TMX1: variants seen among roughly 807,000 people sequenced by gnomAD.
TMX1 encodes thioredoxin-related transmembrane protein 1.
In TMX1, 25 loss-of-function variants were observed where a neutral mutation model predicts 36.6. The ratio of observed to expected loss-of-function variants is 0.68; its 90% confidence interval spans 0.50 to 0.95. The LOEUF is 0.95. Ranked by LOEUF, TMX1 falls within the 40% of genes least tolerant of loss-of-function variation. The pLI is 0.00. For synonymous variants in TMX1, 133 were observed against 118.0 expected (o/e 1.13, Z -0.82); for missense variants, 347 against 339.6 (o/e 1.02, Z -0.17).
intron 4 of TMX1, 120 bp from the exon 5 acceptor site, chr14:51,249,206 C>T: frequency 1.3e-6 from 1 of 752,240 alleles, no homozygotes; most frequent in Non-Finnish European, 2.1e-6. Context: ...TGATGTGTCA[C>T]TAGTCTTGAT....
rs2065842886 is a variant in TMX1 at position 51,257,261 on chromosome 14, T to G, written c.*2742T>G. On this transcript the variant is annotated 3_prime_UTR_variant, in exon 8 of 8. Coordinates refer to ENST00000457354, the MANE Select transcript of TMX1 (RefSeq NM_030755.5). The stretch of plus-strand genomic sequence containing the variant: ...TAAGTTATTGCAGTAAATGATGCTT[T>G]AGAAAGCAATTTTCTCTCATCAGTT... 6.6e-6 allele frequency: 1 copy of G among 152,222 alleles called. No individual in the cohort carries two copies. Among genetic ancestry groups the G allele is most frequent in the South Asian group, 2.1e-4 (1 of 4,830 alleles). 9.4% of individuals were successfully genotyped at this position (152,222 alleles called of 1,614,324 possible).
intron 1 of TMX1, among the ~76,000 whole-genome samples, chr14:51,242,795 T>C (rs142473069): frequency 8.5e-5 from 13 of 152,102 alleles, no homozygotes; most frequent in African/African-American, 2.9e-4. Flanking sequence ...AAAAAGCAAC[T>C]GAGCAACAAA....
Position 51,247,149 on chromosome 14 carries a change from A to C in TMX1, c.372A>C (p.Ile124=). The change falls in exon 4 of 8, where the codon ATA becomes ATC. Residue 124 remains isoleucine (I), a synonymous_variant. Coordinates refer to ENST00000457354, the MANE Select transcript of TMX1 (RefSeq NM_030755.5). The stretch of plus-strand genomic sequence containing the variant: ...GTCCAAGGACTAAGAAGGACTTCAT[A>C]AACTTTATAAGTGATAAAGAGTGGA... The part of the protein sequence containing the change: ...YQGPRTKKDF[I]NFISDKEWKS... 6.2e-7 allele frequency: 1 copy of C among 1,613,288 alleles called. No homozygotes were observed. Among genetic ancestry groups the C allele is most frequent in the Non-Finnish European group, 8.5e-7 (1 of 1,179,770 alleles).
chr14:51,240,509 C>G, intron 1 of TMX1, 65 bp downstream of exon 1: 1 of 1,562,590 alleles, frequency 6.4e-7, no homozygotes, highest in Non-Finnish European at 8.7e-7. Flanking sequence ...CCGCACGTTC[C>G]TCGTGCGGGT....
At chr14:51,244,556 C>G (rs2065776871) in intron 2 of TMX1, among the ~76,000 whole-genome samples, 1 of 152,072 alleles carries the variant, frequency 6.6e-6, no homozygotes. Context: ...GACTTGGTCC[C>G]TGGACAAGTG....
At chr14:51,244,633 A>G (rs965821571) in intron 2 of TMX1, among the ~76,000 whole-genome samples, 1 of 152,122 alleles carries the variant, frequency 6.6e-6, no homozygotes, top group Non-Finnish European at 1.5e-5. Context: ...CGGTAGTCAC[A>G]CTACCCTTGG....
chr14:51,248,699 G>A (rs2065797789), intron 4 of TMX1, among the ~76,000 whole-genome samples: 1 of 152,128 alleles, frequency 6.6e-6, no homozygotes, highest in Non-Finnish European at 1.5e-5. Flanking sequence ...CTACAATTGG[G>A]AACTCACAGA....
chr14:51,248,930 CCTTA>C (rs1490439491), intron 4 of TMX1, among the ~76,000 whole-genome samples: 2 of 152,134 alleles, frequency 1.3e-5, no homozygotes, highest in Non-Finnish European at 2.9e-5. Flanking sequence ...TGTTTCCAGT[CCTTA>C]CTTTAGCCTC....
chr14:51,250,221 A>C (rs2139856663), intron 7 of TMX1, among the ~76,000 whole-genome samples: 2 of 152,358 alleles, frequency 1.3e-5, no homozygotes, highest in South Asian at 4.1e-4. Context: ...ACTGTACTAC[A>C]GAACAATTTA....
At chr14:51,240,473 T>C (rs1465059778) in intron 1 of TMX1, 29 bp downstream of exon 1, 1 of 1,608,218 alleles carries the variant, frequency 6.2e-7, no homozygotes, top group Admixed American at 1.7e-5. Context: ...GGGTCCTACG[T>C]CCGTGCCTGG....
intron 1 of TMX1, among the ~76,000 whole-genome samples, chr14:51,242,181 A>C (rs1596403597): frequency 6.6e-6 from 1 of 152,180 alleles, no homozygotes; most frequent in Non-Finnish European, 1.5e-5. Flanking sequence ...AAATTTTCAT[A>C]GTATGCATGT....
rs35852707 is a variant in TMX1, at chr14:51,247,352, A to ATTT, written c.443+152_443+154dup. On this transcript the variant is annotated intron_variant, in intron 4 of 7. Transcript: ENST00000457354. Reference sequence around the variant, plus strand: ...TATATCCACATTTATTACATGTTTGATTTTTTTTTTTTTTTTTTTTTTGAG... The same window carrying ATTT: ...TATATCCACATTTATTACATGTTTGATTTTTTTTTTTTTTTTTTTTTTTTTGAG... 2.5e-3 allele frequency: 757 copies of ATTT among 300,766 alleles called. 2 individuals are homozygous for ATTT. The highest frequency in any genetic ancestry group is 4.0e-3 in the South Asian group (65 of 16,136). The allele number at this position is 300,766 out of a possible 1,614,324, so 18.6% of individuals were successfully genotyped here.
At chr14:51,240,578 G>C (rs1292309461) in intron 1 of TMX1, 134 bp downstream of exon 1, 11 of 1,303,460 alleles carry the variant, frequency 8.4e-6, no homozygotes, top group Non-Finnish European at 1.1e-5. Flanking sequence ...GACTTCTGCA[G>C]CTCCCCAAAC....
At position 51,255,147 on chromosome 14, in the gene TMX1, TG is replaced by T. The variant is rs1342790315; in HGVS notation, c.*629del. Reference sequence around the variant, plus strand: ...AGTTTTTAAGTTCATGGTATTCTCTTGATTCCAACAAAGTTTGATTTTCTCT... The same window carrying T: ...AGTTTTTAAGTTCATGGTATTCTCTTATTCCAACAAAGTTTGATTTTCTCT... On this transcript the variant is annotated 3_prime_UTR_variant, in exon 8 of 8. Transcript: ENST00000457354. 2.6e-4 allele frequency: 40 copies of T among 152,110 alleles called. No individual in the cohort carries two copies. The highest frequency in any genetic ancestry group is 9.6e-4 in the African/African-American group (40 of 41,464). The allele number at this position is 152,110 out of a possible 1,614,324, so 9.4% of individuals were successfully genotyped here.
In TMX1 at chr14:51,245,351, A is replaced by G. The variant is rs372120417; in HGVS notation, c.307A>G (p.Ile103Val). 5.6e-6 allele frequency: 9 copies of G among 1,613,774 alleles called. No homozygotes were observed. The highest frequency in any genetic ancestry group is 1.3e-5 in the African/African-American group (1 of 74,908). Residue 103 changes from isoleucine (I) to valine (V), a missense_variant, in exon 3 of 8, where the codon ATT becomes GTT. Physicochemically the swap from Ile to Val is conservative, Grantham distance 29. Coordinates refer to ENST00000457354, the MANE Select transcript of TMX1 (RefSeq NM_030755.5). The part of the protein sequence containing the change: ...GRFIITALPT[I>V]YHCKDGEFRR... ...GTTTATCATAACTGCTCTTCCTACT[A>G]TTTATCAGTAAGTATTTGAAGATTC...
intron 2 of TMX1, among the ~76,000 whole-genome samples, chr14:51,244,690 C>T (rs1256552636): frequency 6.6e-6 from 1 of 151,988 alleles, no homozygotes; most frequent in Non-Finnish European, 1.5e-5. Context: ...TAATATTTAT[C>T]GAGCGCTTGC....
Position 51,256,290 on chromosome 14 carries a change from A to T in TMX1, c.*1771A>T, listed in dbSNP as rs2065838047. Reference sequence around the variant, plus strand: ...TTTTTATTAGAAAATATGTGACCAGAAAGATTCTATAGAGTAAAAAATCAA... The same window carrying T: ...TTTTTATTAGAAAATATGTGACCAGTAAGATTCTATAGAGTAAAAAATCAA... On this transcript the variant is annotated 3_prime_UTR_variant, in exon 8 of 8. Coordinates refer to ENST00000457354, the MANE Select transcript of TMX1 (RefSeq NM_030755.5). 1 of 152,096 alleles carries T rather than the reference A, an allele frequency of 6.6e-6. No individual in the cohort carries two copies. The highest frequency in any genetic ancestry group is 1.5e-5 in the Non-Finnish European group (1 of 67,994). The allele number at this position is 152,096 out of a possible 1,614,324, so 9.4% of individuals were successfully genotyped here.
In TMX1 at chr14:51,257,319, A is replaced by G. The variant is rs897403531; in HGVS notation, c.*2800A>G. Reference sequence around the variant, plus strand: ...TATTCAGCCTTACACAAAAAAAGGCATAGTTCTGGGCTTAATTGTGATGTA... The same window carrying G: ...TATTCAGCCTTACACAAAAAAAGGCGTAGTTCTGGGCTTAATTGTGATGTA... On this transcript the variant is annotated 3_prime_UTR_variant, in exon 8 of 8. Transcript: ENST00000457354. 6.6e-6 allele frequency: 1 copy of G among 152,214 alleles called. No individual in the cohort carries two copies. The highest frequency in any genetic ancestry group is 2.4e-5 in the African/African-American group (1 of 41,456). The allele number at this position is 152,214 out of a possible 1,614,324, so 9.4% of individuals were successfully genotyped here.
chr14:51,251,739 A>C (rs1403944366), intron 7 of TMX1, among the ~76,000 whole-genome samples: 1 of 152,160 alleles, frequency 6.6e-6, no homozygotes, highest in Non-Finnish European at 1.5e-5. Context: ...GACTTGCCCG[A>C]AGAACTTGTT....
Sources: gnomAD v4.1 joint callset for allele counts (sites outside exome capture counted in the v4.1 genomes callset) on GRCh38, gnomAD v4.1.1 for gene constraint, MANE v1.5 for transcripts, NCBI Gene and HGNC (gene_info 2026-07-23, HGNC 2026-07-21) for gene names.